Variants in DST observed in about 807,000 individuals in gnomAD.
The protein encoded by DST is bullous pemphigoid antigen.
In DST, 253 loss-of-function variants were observed where a neutral mutation model predicts 875.2. The ratio of observed to expected loss-of-function variants is 0.29; its 90% CI spans 0.26 to 0.32. DST has a LOEUF of 0.32. DST is among the 10% of genes least tolerant of loss of function. DST has a pLI of 1.00. For synonymous variants in DST, 3,124 were observed against 3,197.1 expected (o/e 0.98, Z 0.77); for missense variants, 8,287 against 9,111.6 (o/e 0.91, Z 3.68).
intron 4 of DST, among the ~76,000 whole-genome samples, chr6:56,815,022 C>T (rs2099764996): frequency 6.6e-6 from 1 of 152,204 alleles, no homozygotes; most frequent in African/African-American, 2.4e-5. Flanking sequence ...AGAATCACCG[C>T]TCTGCCACTC....
chr6:56,529,928 C>T, intron 65 of DST, 46 bp downstream of exon 65: 1 of 1,600,332 alleles, frequency 6.2e-7, no homozygotes, highest in Non-Finnish European at 8.5e-7. Context: ...GTCACAAAAC[C>T]ACACAATAAA....
At chr6:56,485,711 C>A (rs1260364090) in intron 87 of DST, among the ~76,000 whole-genome samples, 1 of 152,092 alleles carries the variant, frequency 6.6e-6, no homozygotes. Flanking sequence ...AAACCATGGA[C>A]CCTTCATGTT....
In DST at chr6:56,642,962, T is replaced by C. The variant is rs536398876; in HGVS notation, c.1779-459A>G. On this transcript the variant is annotated intron_variant, in intron 15 of 103. Coordinates refer to ENST00000680361, the MANE Select transcript of DST (RefSeq NM_001374736.1). ...ATGCAACACACAGCAAATAATATGC[T>C]GATAACTATTCAAAAGAATCTAGCC... 8.6e-6 allele frequency: 12 copies of C among 1,401,720 alleles called. No individual in the cohort carries two copies. The African/African-American group carries it at 1.4e-4, about 17-fold the overall frequency. The allele number at this position is 1,401,720 out of a possible 1,614,324, so 86.8% of individuals were successfully genotyped here.
chr6:56,647,823 T>C (rs2098952527), intron 13 of DST, among the ~76,000 whole-genome samples: 1 of 151,948 alleles, frequency 6.6e-6, no homozygotes, highest in African/African-American at 2.4e-5. Context: ...GTAACTGGGA[T>C]TACAAGTGTG....
intron 3 of DST, among the ~76,000 whole-genome samples, chr6:56,886,704 G>C (rs545292934): frequency 6.6e-6 from 1 of 151,364 alleles, no homozygotes; most frequent in Non-Finnish European, 1.5e-5. Flanking sequence ...GAACCCAGGA[G>C]GTGGAGTTTG....
At position 56,727,665 on chromosome 6, in the gene DST, T is replaced by C. The variant is rs540763009; in HGVS notation, c.687+7563A>G. The stretch of plus-strand genomic sequence containing the variant: ...ATGCAAATAGAAATTTATGGCTACA[T>C]AACAAGGCCAGGGCATACCAGCCAA... On this transcript the variant is annotated intron_variant, in intron 5 of 103. Transcript: ENST00000680361. 4.6e-5 allele frequency among the ~76,000 whole-genome samples: 7 copies of C among 152,296 alleles called. No individual in the cohort carries two copies. In the East Asian group the frequency reaches 1.2e-3, roughly 25 times the overall value.
chr6:56,921,433 A>G (rs1804167319), intron 2 of DST, among the ~76,000 whole-genome samples: 1 of 152,232 alleles, frequency 6.6e-6, no homozygotes, highest in African/African-American at 2.4e-5. Context: ...ACTTTGCATA[A>G]TCTATGGATG....
intron 11 of DST, 42 bp downstream of exon 11, chr6:56,651,090 G>C: frequency 6.3e-7 from 1 of 1,587,448 alleles, no homozygotes; most frequent in Non-Finnish European, 8.6e-7. Flanking sequence ...CTTTTGATCA[G>C]ACTTTCATGC....
chr6:56,640,897 C>A (rs2098891099), intron 17 of DST, among the ~76,000 whole-genome samples: 1 of 152,048 alleles, frequency 6.6e-6, no homozygotes, highest in African/African-American at 2.4e-5. Flanking sequence ...TAAAATTTTG[C>A]ATCATGATTT....
intron 88 of DST, 138 bp downstream of exon 88, chr6:56,485,174 C>T: frequency 1.1e-6 from 1 of 918,604 alleles, no homozygotes; most frequent in Non-Finnish European, 1.6e-6. Context: ...CAAACGGACA[C>T]ATATTTCAAC....
At chr6:56,662,486 A>C (rs976548129) in intron 10 of DST, among the ~76,000 whole-genome samples, 1 of 152,364 alleles carries the variant, frequency 6.6e-6, no homozygotes, top group South Asian at 2.1e-4. Flanking sequence ...GACTGTGGTA[A>C]CAAGTGCCTG....
chr6:56,637,480 C>T (rs1322866950), intron 22 of DST, among the ~76,000 whole-genome samples: 1 of 152,060 alleles, frequency 6.6e-6, no homozygotes, highest in Non-Finnish European at 1.5e-5. Flanking sequence ...TACCTTCTAA[C>T]ACAGAAATAT....
At chr6:56,871,264 A>G in intron 3 of DST, 1 of 777,722 alleles carries the variant, frequency 1.3e-6, no homozygotes, top group Non-Finnish European at 2.4e-6. Context: ...CTTCGTGTTC[A>G]CTTTAAGAAC....
chr6:56,510,310 T>C (rs1315040796), intron 73 of DST, among the ~76,000 whole-genome samples: 3 of 152,144 alleles, frequency 2.0e-5, no homozygotes, highest in Non-Finnish European at 2.9e-5. Context: ...TATTATGGCA[T>C]CCTGAAAAGT....
chr6:56,808,855 T>C (rs2099756461), intron 4 of DST, among the ~76,000 whole-genome samples: 1 of 152,232 alleles, frequency 6.6e-6, no homozygotes, highest in African/African-American at 2.4e-5. Flanking sequence ...ATTCTGTGTT[T>C]ATCAGTCAGT....
intron 98 of DST, among the ~76,000 whole-genome samples, chr6:56,468,671 C>G (rs1351939098): frequency 6.6e-6 from 1 of 152,140 alleles, no homozygotes; most frequent in African/African-American, 2.4e-5. Flanking sequence ...CCAATGAGTA[C>G]TAGCATAAAA....
intron 49 of DST, among the ~76,000 whole-genome samples, chr6:56,579,212 T>C (rs2097920088): frequency 6.6e-6 from 1 of 152,176 alleles, no homozygotes. Flanking sequence ...TTCCTGATCA[T>C]ACAACCCTCT....
At chr6:56,518,109 T>C (rs925725419) in intron 69 of DST, among the ~76,000 whole-genome samples, 4 of 152,208 alleles carry the variant, frequency 2.6e-5, no homozygotes, top group Admixed American at 6.5e-5. Context: ...TGTGTAAATA[T>C]ACATCTCTAT....
chr6:56,951,736 T>C (rs574958431), intron 2 of DST, among the ~76,000 whole-genome samples: 1 of 152,330 alleles, frequency 6.6e-6, no homozygotes, highest in East Asian at 1.9e-4. Flanking sequence ...AAACTAATAT[T>C]GCATTTAAAT....
Sources: allele counts gnomAD v4.1 joint callset (sites outside exome capture counted in the v4.1 genomes callset), GRCh38; gene constraint gnomAD v4.1.1; transcripts MANE v1.5; gene names NCBI Gene and HGNC (gene_info 2026-07-23, HGNC 2026-07-21).